The following AMIGO1 variants were observed in gnomAD, a reference collection of about 807,000 sequenced individuals.
AMIGO1 encodes amphoterin-induced protein 1.
For synonymous variants in AMIGO1, 249 were observed against 266.3 expected, an observed-to-expected ratio of 0.93 and a Z score of 0.63; for missense variants, 361 against 612.3, an observed-to-expected ratio of 0.59 and a Z score of 4.33.
rs1190804634 is a variant in AMIGO1, at chr1:109,504,841, C to T, written c.*2590G>A. The T allele has an allele frequency of 6.6e-6, 1 of 152,122 alleles. No homozygotes were observed. The highest frequency in any genetic ancestry group is 1.5e-5 in the Non-Finnish European group (1 of 68,018). The allele number at this position is 152,122 out of a possible 1,614,324, so 9.4% of individuals were successfully genotyped here. On this transcript the variant is annotated 3_prime_UTR_variant, in exon 2 of 2. Transcript: ENST00000369864. ...TGGGTAGGAATTATGAAGAAAACGG[C>T]CCTCCCAGTCCTCAGGAGCTCCATC...
In AMIGO1 at chr1:109,507,839, C is replaced by G. The variant is rs1658064092; in HGVS notation, c.1074G>C (p.Val358=). 1 of 1,614,130 alleles carries G rather than the reference C, an allele frequency of 6.2e-7. No homozygotes were observed. The highest frequency in any genetic ancestry group is 8.5e-7 in the Non-Finnish European group (1 of 1,180,040). Residue 358 remains valine, a synonymous_variant, in exon 2 of 2, where the codon GTG becomes GTC. Coordinates refer to ENST00000369864, the MANE Select transcript of AMIGO1 (RefSeq NM_020703.4). The surrounding 1 kb of genome is among the most constrained non-coding windows in gnomAD (Gnocchi z 4.7). ...GGTGTCCGTGCAAGGTGAAATTGTGCACTTTCAATTCCACAGACAGTGTCT... is the reference window on the plus strand; with the variant it reads ...GGTGTCCGTGCAAGGTGAAATTGTGGACTTTCAATTCCACAGACAGTGTCT... The part of the protein sequence containing the change: ...FNETLSVELK[V]HNFTLHGHHD...
chr1:109,509,718 G>GGCAGCGAGCACCGCGCGC lies in AMIGO1; in HGVS notation c.-387_-386insGCGCGCGGTGCTCGCTGC, dbSNP rs1220191212. 28 of 149,434 alleles carry GGCAGCGAGCACCGCGCGC rather than the reference G, an allele frequency of 1.9e-4. No homozygotes were observed. The highest frequency in any genetic ancestry group is 6.1e-4 in the African/African-American group (25 of 41,220). 9.3% of individuals were successfully genotyped at this position (149,434 alleles called of 1,614,324 possible). On this transcript the variant is annotated 5_prime_UTR_variant, in exon 1 of 2. Transcript: ENST00000369864. ...ATCCCAGCGGAGGGAGCGGCGTGGG[G>GGCAGCGAGCACCGCGCGC]GCAGCGAGCACCGCGCGCGCGCCCG...
rs1030555607 is a variant in AMIGO1, at chr1:109,504,352, C to A, written c.*3079G>T. ...GAGGAAGTACAGAGGTAAGAACACA[C>A]AGAAAACTGGATCCATCTGCTTTGC... On this transcript the variant is annotated 3_prime_UTR_variant, in exon 2 of 2. Transcript: ENST00000369864. The A allele has an allele frequency of 2.0e-5, 3 of 152,202 alleles. No individual in the cohort carries two copies. Among genetic ancestry groups the A allele is most frequent in the Admixed American group, 1.3e-4 (2 of 15,278 alleles). The allele number at this position is 152,202 out of a possible 1,614,324, so 9.4% of individuals were successfully genotyped here.
rs575919799 is a variant in AMIGO1, at chr1:109,509,698, A to T, written c.-366T>A. The T allele has an allele frequency of 8.0e-5, 12 of 150,148 alleles. No homozygotes were observed. The highest frequency in any genetic ancestry group is 2.9e-4 in the African/African-American group (12 of 41,268). The allele number at this position is 150,148 out of a possible 1,614,324, so 9.3% of individuals were successfully genotyped here. A position where few individuals can be genotyped will look rare whatever the true frequency, so the allele number is the denominator to read the frequency against. On this transcript the variant is annotated 5_prime_UTR_variant, in exon 1 of 2. Coordinates refer to ENST00000369864, the MANE Select transcript of AMIGO1 (RefSeq NM_020703.4). ...GGGGAGCCGGAGGCGCAGCGATCCC[A>T]GCGGAGGGAGCGGCGTGGGGGCAGC...
rs1295409025 is a variant in AMIGO1, at chr1:109,506,586, TG to T, written c.*844del. 2 of 152,374 alleles carry T rather than the reference TG, an allele frequency of 1.3e-5. No individual in the cohort carries two copies. Among genetic ancestry groups the T allele is most frequent in the African/African-American group, 4.8e-5 (2 of 41,586 alleles). 9.4% of individuals were successfully genotyped at this position (152,374 alleles called of 1,614,324 possible). A position where few individuals can be genotyped will look rare whatever the true frequency, so the allele number is the denominator to read the frequency against. On this transcript the variant is annotated 3_prime_UTR_variant, in exon 2 of 2. Transcript: ENST00000369864. Reference sequence around the variant, plus strand: ...CCACTCTGGCCTGACACACAGATGCTGGGAATCAAATACTAACCAAGGGTTT... The same window carrying T: ...CCACTCTGGCCTGACACACAGATGCTGGAATCAAATACTAACCAAGGGTTT...
rs566010403 is a variant in AMIGO1, at chr1:109,506,475, G to A, written c.*956C>T. On this transcript the variant is annotated 3_prime_UTR_variant, in exon 2 of 2. Transcript: ENST00000369864. Reference sequence around the variant, plus strand: ...AGCTGGATGCTACATAATAGAGGCTGATTTACCTTCATCCTTCTATCGTGA... The same window carrying A: ...AGCTGGATGCTACATAATAGAGGCTAATTTACCTTCATCCTTCTATCGTGA... 1.3e-5 allele frequency: 2 copies of A among 152,208 alleles called. No homozygotes were observed. Among genetic ancestry groups the A allele is most frequent in the Non-Finnish European group, 2.9e-5 (2 of 68,042 alleles). The allele number at this position is 152,208 out of a possible 1,614,324, so 9.4% of individuals were successfully genotyped here. A position where few individuals can be genotyped will look rare whatever the true frequency, so the allele number is the denominator to read the frequency against.
In AMIGO1 at chr1:109,507,791, A is replaced by G; in HGVS notation, c.1122T>C (p.Tyr374=). ...HGHHDTLNTA[Y]TTLVGCILSV... Reference sequence around the variant, plus strand: ...TAAGGATACAGCCCACTAGGGTGGTATAGGCTGTGTTGAGGGTGTCATGGT... The same window carrying G: ...TAAGGATACAGCCCACTAGGGTGGTGTAGGCTGTGTTGAGGGTGTCATGGT... The change falls in exon 2 of 2, where the codon TAT becomes TAC. Residue 374 remains tyrosine (Y), a synonymous_variant. Transcript: ENST00000369864. The surrounding 1 kb of genome is among the most constrained non-coding windows in gnomAD (Gnocchi z 4.7). The G allele has an allele frequency of 6.2e-7, 1 of 1,614,116 alleles. No individual in the cohort carries two copies. The highest frequency in any genetic ancestry group is 8.5e-7 in the Non-Finnish European group (1 of 1,180,030).
rs1376463791 is a variant in AMIGO1, at chr1:109,507,899, C to T, written c.1014G>A (p.Val338=). Residue 338 remains valine, a synonymous_variant, in exon 2 of 2, where the codon GTG becomes GTA. Coordinates refer to ENST00000369864, the MANE Select transcript of AMIGO1 (RefSeq NM_020703.4). This position sits in a 1 kb window ranked among gnomAD's most constrained non-coding sequence, Gnocchi z 4.7. ...TCTCTCCCATGGCATAGCAGGTATA[C>T]ACACCACCGTCCTCGACCTGCACCT... ...FQQVQVEDGG[V]YTCYAMGETF... is the part of the protein sequence containing the mutation. 1.2e-6 allele frequency: 2 copies of T among 1,614,030 alleles called. No individual in the cohort carries two copies. The highest frequency in any genetic ancestry group is 1.7e-6 in the Non-Finnish European group (2 of 1,180,038).
At position 109,507,992 on chromosome 1, in the gene AMIGO1, T is replaced by G. The variant is rs906853923; in HGVS notation, c.921A>C (p.Glu307Asp). The stretch of plus-strand genomic sequence containing the variant: ...CATTGGTCACCTCATCTAGCACCCG[T>G]TCATTACTTGGTGTCACCCACACCT... ...MTKVWVTPSN[E>D]RVLDEVTNGT... Residue 307 changes from glutamate (E) to aspartate (D), a missense_variant, in exon 2 of 2, where the codon GAA becomes GAC. Glu to Asp is a conservative substitution (Grantham distance 45). Coordinates refer to ENST00000369864, the MANE Select transcript of AMIGO1 (RefSeq NM_020703.4). The surrounding 1 kb of genome is among the most constrained non-coding windows in gnomAD (Gnocchi z 4.7). 1.9e-6 allele frequency: 3 copies of G among 1,614,016 alleles called. No homozygotes were observed. Among genetic ancestry groups the G allele is most frequent in the Admixed American group, 3.3e-5 (2 of 59,994 alleles).
At position 109,507,685 on chromosome 1, in the gene AMIGO1, G is replaced by C; in HGVS notation, c.1228C>G (p.Gln410Glu). Residue 410 changes from glutamine to glutamate, a missense_variant, in exon 2 of 2, where the codon CAA becomes GAA. By Grantham distance (29) the Gln-to-Glu change is conservative. Transcript: ENST00000369864. The surrounding 1 kb of genome is among the most constrained non-coding windows in gnomAD (Gnocchi z 4.7). ...ATGGAAGAGCTGAGGCTGTCTCCTT[G>C]ATGGCTGGAAGGCTTCTCTACACCC... Reference protein sequence around the residue: ...CRGVEKPSSHQGDSLSSSMLS... With the variant: ...CRGVEKPSSHEGDSLSSSMLS... 2 of 1,614,156 alleles carry C rather than the reference G, an allele frequency of 1.2e-6. No individual in the cohort carries two copies. The highest frequency in any genetic ancestry group is 1.7e-6 in the Non-Finnish European group (2 of 1,180,032).
chr1:109,508,968 C>A lies in AMIGO1; in HGVS notation c.-56G>T. 1 of 1,462,514 alleles carries A rather than the reference C, an allele frequency of 6.8e-7. No homozygotes were observed. 90.6% of individuals were successfully genotyped at this position (1,462,514 alleles called of 1,614,324 possible). A position where few individuals can be genotyped will look rare whatever the true frequency, so the allele number is the denominator to read the frequency against. ...AAGGAAGATCTGGGAGGAGGTCACCCGGGCATGTTCTGGTGGGGTACGGAA... is the reference window on the plus strand; with the variant it reads ...AAGGAAGATCTGGGAGGAGGTCACCAGGGCATGTTCTGGTGGGGTACGGAA... On this transcript the variant is annotated 5_prime_UTR_variant, in exon 2 of 2. Coordinates refer to ENST00000369864, the MANE Select transcript of AMIGO1 (RefSeq NM_020703.4). The surrounding 1 kb of genome is among the most constrained non-coding windows in gnomAD (Gnocchi z 7.8).
At position 109,507,795 on chromosome 1, in the gene AMIGO1, G is replaced by A; in HGVS notation, c.1118C>T (p.Ala373Val). The stretch of plus-strand genomic sequence containing the variant: ...GATACAGCCCACTAGGGTGGTATAG[G>A]CTGTGTTGAGGGTGTCATGGTGTCC... ...LHGHHDTLNT[A>V]YTTLVGCILS... Residue 373 changes from alanine to valine, a missense_variant, in exon 2 of 2, where the codon GCC (alanine) becomes GTC (valine). Coordinates refer to ENST00000369864, the MANE Select transcript of AMIGO1 (RefSeq NM_020703.4). This position sits in a 1 kb window ranked among gnomAD's most constrained non-coding sequence, Gnocchi z 4.7. 6.2e-7 allele frequency: 1 copy of A among 1,614,076 alleles called. No homozygotes were observed. The highest frequency in any genetic ancestry group is 8.5e-7 in the Non-Finnish European group (1 of 1,180,042).
In AMIGO1 at chr1:109,505,895, G is replaced by A. The variant is rs1658011955; in HGVS notation, c.*1536C>T. 6.6e-6 allele frequency: 1 copy of A among 152,172 alleles called. No homozygotes were observed. The highest frequency in any genetic ancestry group is 6.5e-5 in the Admixed American group (1 of 15,274). The allele number at this position is 152,172 out of a possible 1,614,324, so 9.4% of individuals were successfully genotyped here. A position where few individuals can be genotyped will look rare whatever the true frequency, so the allele number is the denominator to read the frequency against. On this transcript the variant is annotated 3_prime_UTR_variant, in exon 2 of 2. Coordinates refer to ENST00000369864, the MANE Select transcript of AMIGO1 (RefSeq NM_020703.4). ...CAAAGCTCAGAGCAGCCACTCACAG[G>A]GCATGCAGTGTAGTCAAAGGGAAAG...
chr1:109,508,229 C>T lies in AMIGO1; in HGVS notation c.684G>A (p.Glu228=), dbSNP rs746350797. Residue 228 remains glutamate (E), a synonymous_variant, in exon 2 of 2, where the codon GAG becomes GAA. Transcript: ENST00000369864. The surrounding 1 kb of genome is among the most constrained non-coding windows in gnomAD (Gnocchi z 7.8). ...LHNNPLNCDC[E]LYQLFSHWQY... ...GCCAGTGTGAAAACAGCTGGTAGAG[C>T]TCACAGTCGCAGTTCAGGGGGTTGT... 7.4e-6 allele frequency: 12 copies of T among 1,613,992 alleles called. No homozygotes were observed. The African/African-American group carries it at 9.3e-5, about 13-fold the overall frequency.
chr1:109,508,724 T>C lies in AMIGO1; in HGVS notation c.189A>G (p.Thr63=). 6.2e-7 allele frequency: 1 copy of C among 1,614,052 alleles called. No homozygotes were observed. The highest frequency in any genetic ancestry group is 8.5e-7 in the Non-Finnish European group (1 of 1,179,964). Residue 63 remains threonine (T), a synonymous_variant, in exon 2 of 2, where the codon ACA becomes ACG. Transcript: ENST00000369864. This position sits in a 1 kb window ranked among gnomAD's most constrained non-coding sequence, Gnocchi z 7.8. ...TGTTGTGACTGAGGTCCAGTAGTGCTGTGTAACTGGGCAAGGAATGGGGCA... is the reference window on the plus strand; with the variant it reads ...TGTTGTGACTGAGGTCCAGTAGTGCCGTGTAACTGGGCAAGGAATGGGGCA... ...PNVPHSLPSY[T]ALLDLSHNNL...
rs1448290227 is a variant in AMIGO1, at chr1:109,508,893, G to A, written c.20C>T (p.Pro7Leu). 6 of 1,579,982 alleles carry A rather than the reference G, an allele frequency of 3.8e-6. No individual in the cohort carries two copies. In the African/African-American group the frequency reaches 6.7e-5, roughly 18 times the overall value. Residue 7 changes from proline to leucine, a missense_variant, in exon 2 of 2, where the codon CCG becomes CTG. Physicochemically the swap from Pro to Leu is moderately conservative, Grantham distance 98. Coordinates refer to ENST00000369864, the MANE Select transcript of AMIGO1 (RefSeq NM_020703.4). This position sits in a 1 kb window ranked among gnomAD's most constrained non-coding sequence, Gnocchi z 7.8. The stretch of plus-strand genomic sequence containing the variant: ...CGGCAGCAGGAGCCAGAGGCCTCTC[G>A]GGTCACGGTGGGGGTGCATAGTGTC... MHPHRD[P>L]RGLWLLLPSL...
chr1:109,507,869 G>A lies in AMIGO1; in HGVS notation c.1044C>T (p.Phe348=), dbSNP rs761156076. The change falls in exon 2 of 2, where the codon TTC becomes TTT. Residue 348 remains phenylalanine, a synonymous_variant. Transcript: ENST00000369864. This position sits in a 1 kb window ranked among gnomAD's most constrained non-coding sequence, Gnocchi z 4.7. ...TCAATTCCACAGACAGTGTCTCATT[G>A]AAAGTCTCTCCCATGGCATAGCAGG... ...VYTCYAMGET[F]NETLSVELKV... 2.5e-6 allele frequency: 4 copies of A among 1,614,044 alleles called. No homozygotes were observed. The African/African-American group carries it at 5.3e-5, about 22-fold the overall frequency.
rs914949225 is a variant in AMIGO1, at chr1:109,507,703, C to G, written c.1210G>C (p.Glu404Gln). 1.2e-6 allele frequency: 2 copies of G among 1,614,042 alleles called. No individual in the cohort carries two copies. The highest frequency in any genetic ancestry group is 3.3e-5 in the Admixed American group (2 of 60,004). The part of the protein sequence containing the change: ...TPCRCWCRGV[E>Q]KPSSHQGDSL... ...TCTCCTTGATGGCTGGAAGGCTTCT[C>G]TACACCCCGGCACCAGCAGCGGCAA... The change falls in exon 2 of 2, where the codon GAG becomes CAG. Residue 404 changes from glutamate (E) to glutamine (Q), a missense_variant. Glu to Gln is a conservative substitution (Grantham distance 29, BLOSUM62 2). Transcript: ENST00000369864. The surrounding 1 kb of genome is among the most constrained non-coding windows in gnomAD (Gnocchi z 4.7).
chr1:109,507,622 C>T lies in AMIGO1; in HGVS notation c.1291G>A (p.Gly431Arg). ...CGGTCAAAACCATCATCTTTGTCCC[C>T]ACCAGCCATAGGATCATGGTTGGGT... ...TTPNHDPMAGGDKDDGFDRRV... is the reference protein window; with the variant it reads ...TTPNHDPMAGRDKDDGFDRRV... Residue 431 changes from glycine (G) to arginine (R), a missense_variant, in exon 2 of 2, where the codon GGG (glycine) becomes AGG (arginine). Transcript: ENST00000369864. This position sits in a 1 kb window ranked among gnomAD's most constrained non-coding sequence, Gnocchi z 4.7. 1 of 1,614,150 alleles carries T rather than the reference C, an allele frequency of 6.2e-7. No homozygotes were observed. The highest frequency in any genetic ancestry group is 8.5e-7 in the Non-Finnish European group (1 of 1,180,028).
Sources: gnomAD v4.1 joint callset for allele counts on GRCh38, gnomAD v4.1.1 for gene constraint, Gnocchi (gnomAD v3.1) non-coding constraint, MANE v1.5 for transcripts, NCBI Gene and HGNC (gene_info 2026-07-23, HGNC 2026-07-21) for gene names.